Variants in ASIC2 observed in about 807,000 individuals in gnomAD.
The protein encoded by ASIC2 is acid-sensing ion channel 2.
Under a neutral mutation model 57.3 loss-of-function variants are expected in ASIC2, and 25 were observed. The observed-to-expected ratio is 0.44, with a 90% CI of 0.32 to 0.61. The LOEUF is 0.61. Ranked by LOEUF, ASIC2 falls within the 20% of genes least tolerant of loss-of-function variation. The pLI is 0.06. For missense variants in ASIC2, 641 were observed against 738.1 expected, an observed-to-expected ratio of 0.87 and a Z score of 1.52; for synonymous variants, 319 against 307.5, an observed-to-expected ratio of 1.04 and a Z score of -0.39.
At chr17:33,517,647 C>T (rs190564244) in intron 1 of ASIC2, among the ~76,000 whole-genome samples, 2,504 of 122,736 alleles carry the variant, frequency 0.02, 26 homozygotes, top group South Asian at 0.028. Flanking sequence ...AGGCCACAGT[C>T]TTTTAAAATG....
intron 1 of ASIC2, among the ~76,000 whole-genome samples, chr17:33,219,872 A>T (rs1907629732): frequency 6.6e-6 from 1 of 152,098 alleles, no homozygotes. Context: ...CATTCCCAGG[A>T]TGTTCTCAGG....
intron 1 of ASIC2, among the ~76,000 whole-genome samples, chr17:33,822,506 T>G (rs1912776304): frequency 6.6e-6 from 1 of 152,194 alleles, no homozygotes; most frequent in Non-Finnish European, 1.5e-5. Context: ...AAGCAAATCC[T>G]TCAGATTTTT....
intron 1 of ASIC2, among the ~76,000 whole-genome samples, chr17:33,563,639 A>C (rs901744573): frequency 2.0e-5 from 3 of 152,176 alleles, no homozygotes; most frequent in African/African-American, 7.2e-5. Context: ...CTGAATGAGA[A>C]AAAGCATTCA....
intron 1 of ASIC2, among the ~76,000 whole-genome samples, chr17:33,609,423 C>G (rs1905325242): frequency 6.6e-6 from 1 of 152,166 alleles, no homozygotes; most frequent in African/African-American, 2.4e-5. Flanking sequence ...CTCGAGCACA[C>G]CAAGGACATT....
At chr17:33,867,554 G>A (rs1330436321) in intron 1 of ASIC2, among the ~76,000 whole-genome samples, 2 of 152,176 alleles carry the variant, frequency 1.3e-5, no homozygotes, top group Admixed American at 6.5e-5. Flanking sequence ...AAAAGGCAAA[G>A]CAAAAGTTCA....
chr17:33,496,625 T>A (rs909465693), intron 1 of ASIC2, among the ~76,000 whole-genome samples: 2 of 112,306 alleles, frequency 1.8e-5, no homozygotes, highest in African/African-American at 6.7e-5. Flanking sequence ...TTTTTTTTTT[T>A]TTTTTTTTTT....
At chr17:33,116,849 A>G (rs2092283138) in intron 1 of ASIC2, among the ~76,000 whole-genome samples, 1 of 151,610 alleles carries the variant, frequency 6.6e-6, no homozygotes, top group South Asian at 2.1e-4. Context: ...TCATAGTTTT[A>G]TATAATTTTT....
chr17:33,553,691 G>A (rs1227714630), intron 1 of ASIC2, among the ~76,000 whole-genome samples: 2 of 152,090 alleles, frequency 1.3e-5, no homozygotes, highest in African/African-American at 4.8e-5. Flanking sequence ...CATGTGCCAG[G>A]CATGGTACTA....
intron 3 of ASIC2, among the ~76,000 whole-genome samples, chr17:33,068,932 A>G (rs1463493557): frequency 6.6e-6 from 1 of 152,114 alleles, no homozygotes; most frequent in East Asian, 1.9e-4. Context: ...AGCTGAGGTC[A>G]TGATTTAAGA....
chr17:33,068,419 G>A (rs1174990046), intron 3 of ASIC2, among the ~76,000 whole-genome samples: 1 of 152,196 alleles, frequency 6.6e-6, no homozygotes, highest in Non-Finnish European at 1.5e-5. Flanking sequence ...TGTAATCTCA[G>A]CTACTCAGGA....
At chr17:33,147,040 A>G (rs1421348885) in intron 1 of ASIC2, among the ~76,000 whole-genome samples, 2 of 152,170 alleles carry the variant, frequency 1.3e-5, no homozygotes, top group Non-Finnish European at 2.9e-5. Flanking sequence ...TACTTGGAAA[A>G]TGTGCTTGCT....
intron 1 of ASIC2, among the ~76,000 whole-genome samples, chr17:33,809,865 G>A (rs1470693518): frequency 6.6e-6 from 1 of 152,178 alleles, no homozygotes; most frequent in Non-Finnish European, 1.5e-5. Context: ...TATTCCTGCT[G>A]AACCTGAACT....
intron 1 of ASIC2, among the ~76,000 whole-genome samples, chr17:33,384,295 C>G (rs939367418): frequency 6.6e-6 from 1 of 152,162 alleles, no homozygotes; most frequent in Admixed American, 6.5e-5. Context: ...GGCTAATGGA[C>G]AGATTTAATA....
At chr17:33,207,195 C>A (rs1392606387) in intron 1 of ASIC2, among the ~76,000 whole-genome samples, 1 of 152,162 alleles carries the variant, frequency 6.6e-6, no homozygotes, top group African/African-American at 2.4e-5. Context: ...TCATTTAGTG[C>A]GAAGAGGACG....
Position 33,451,134 on chromosome 17 carries a change from G to T in ASIC2, c.556-339067C>A, listed in dbSNP as rs1055066149. Among the ~76,000 whole-genome samples, 4 of 151,080 alleles carry T rather than the reference G, an allele frequency of 2.6e-5. No homozygotes were observed. In the East Asian group the frequency reaches 7.8e-4, roughly 29 times the overall value. ...TGCAGTGGTGCAGTCTCAGCTCACT[G>T]CAACCTCTGCCTCCTGAGATCATGG... On this transcript the variant is annotated intron_variant, in intron 1 of 9. Transcript: ENST00000359872.
intron 1 of ASIC2, among the ~76,000 whole-genome samples, chr17:34,073,344 C>T (rs1256662514): frequency 1.3e-5 from 2 of 152,130 alleles, no homozygotes; most frequent in East Asian, 1.9e-4. Flanking sequence ...AGGCAATGGG[C>T]TAGATATAGC....
intron 1 of ASIC2, among the ~76,000 whole-genome samples, chr17:34,036,223 G>T (rs1029578986): frequency 1.3e-5 from 2 of 151,904 alleles, no homozygotes; most frequent in African/African-American, 4.8e-5. Flanking sequence ...TCCTTTGTAG[G>T]GACATCAATG....
chr17:34,071,753 C>A (rs1286639703), intron 1 of ASIC2: 1 of 152,022 alleles, frequency 6.6e-6, no homozygotes, highest in Non-Finnish European at 1.5e-5. Context: ...TCGCTTGAAC[C>A]AGGTAGATGG....
rs532728675 is a variant in ASIC2, at chr17:34,087,818, C to G, written c.555+68160G>C. ...TCTTCCATCACTGATACCCTTTCTT[C>G]CAGTTGATCGCATTGGCTACTGAGG... On this transcript the variant is annotated intron_variant, in intron 1 of 9. Transcript: ENST00000359872. Among the ~76,000 whole-genome samples, 3 of 152,292 alleles carry G rather than the reference C, an allele frequency of 2.0e-5. No homozygotes were observed. The East Asian group carries it at 5.8e-4, about 29-fold the overall frequency.
Sources: allele counts gnomAD v4.1 joint callset (sites outside exome capture counted in the v4.1 genomes callset), GRCh38; gene constraint gnomAD v4.1.1; transcripts MANE v1.5; gene names NCBI Gene and HGNC (gene_info 2026-07-23, HGNC 2026-07-21).